TBL1XR1: variants seen among roughly 807,000 people sequenced by gnomAD.
The protein encoded by TBL1XR1 is TBL1X/Y related 1.
A neutral mutation model predicts 66.9 loss-of-function variants in TBL1XR1; 5 were observed. The observed-to-expected ratio is 0.07, with a 90% confidence interval of 0.04 to 0.16. The LOEUF is 0.16. Ranked by LOEUF, TBL1XR1 falls within the 10% of genes least tolerant of loss-of-function variation. The pLI is 1.00. For synonymous variants in TBL1XR1, 210 were observed against 206.0 expected (o/e 1.02, Z -0.17); for missense variants, 238 against 623.2 (o/e 0.38, Z 6.58).
At chr3:177,083,899 C>A (rs547882497) in intron 2 of TBL1XR1, among the ~76,000 whole-genome samples, 2 of 151,686 alleles carry the variant, frequency 1.3e-5, no homozygotes, top group Admixed American at 6.6e-5. Context: ...ATCAGCCTGG[C>A]CAACATGATG....
intron 1 of TBL1XR1, among the ~76,000 whole-genome samples, chr3:177,155,695 C>A (rs1480404554): frequency 6.6e-6 from 1 of 152,120 alleles, no homozygotes; most frequent in Non-Finnish European, 1.5e-5. Context: ...TGAACTTCAA[C>A]TTTTACCTCA....
At chr3:177,181,247 C>T (rs758366825) in intron 1 of TBL1XR1, among the ~76,000 whole-genome samples, 6 of 151,782 alleles carry the variant, frequency 4.0e-5, no homozygotes, top group Admixed American at 1.3e-4. Context: ...TGGGAGGCCA[C>T]GGTGGGTGGA....
At chr3:177,064,577 C>T (rs961272227) in intron 3 of TBL1XR1, among the ~76,000 whole-genome samples, 2 of 152,158 alleles carry the variant, frequency 1.3e-5, no homozygotes, top group African/African-American at 4.8e-5. Context: ...GGACCAACAA[C>T]ATTTAATTGA....
chr3:177,098,551 AG>A lies in TBL1XR1; in HGVS notation c.-121-11del. 1 of 985,612 alleles carries A rather than the reference AG, an allele frequency of 1.0e-6. No individual in the cohort carries two copies. 61.1% of individuals were successfully genotyped at this position (985,612 alleles called of 1,614,324 possible). Reference sequence around the variant, plus strand: ...GTTGCTGTTGTTGATGCTGAGGAAAAGGAAAGTAAAGTATTCAATGTGCCCT... The same window carrying A: ...GTTGCTGTTGTTGATGCTGAGGAAAAGAAAGTAAAGTATTCAATGTGCCCT... On this transcript the variant is annotated splice_polypyrimidine_tract_variant and intron_variant, in intron 1 of 15. Coordinates refer to ENST00000457928, the MANE Select transcript of TBL1XR1 (RefSeq NM_024665.7).
At chr3:177,181,065 G>C (rs572337093) in intron 1 of TBL1XR1, among the ~76,000 whole-genome samples, 1 of 152,198 alleles carries the variant, frequency 6.6e-6, no homozygotes. Context: ...ATTTTCATCA[G>C]TGAGCTAGAA....
intron 1 of TBL1XR1, among the ~76,000 whole-genome samples, chr3:177,179,506 T>C (rs902108807): frequency 6.6e-6 from 1 of 152,226 alleles, no homozygotes; most frequent in Non-Finnish European, 1.5e-5. Flanking sequence ...AGATAAGTCA[T>C]GGCATTTTGC....
intron 1 of TBL1XR1, among the ~76,000 whole-genome samples, chr3:177,183,299 A>T (rs987328206): frequency 6.6e-6 from 1 of 152,218 alleles, no homozygotes; most frequent in Non-Finnish European, 1.5e-5. Context: ...TTAAATGAAG[A>T]GTACAGAAAA....
rs777789869 is a variant in TBL1XR1, at chr3:177,038,325, G to A, written c.1035C>T (p.Phe345=). 1 of 1,596,526 alleles carries A rather than the reference G, an allele frequency of 6.3e-7. No individual in the cohort carries two copies. The highest frequency in any genetic ancestry group is 8.5e-7 in the Non-Finnish European group (1 of 1,170,380). ...AAAGGTTTCTTACCGTATGTCCTTGGAATGTTTTAATAGGTCTGTCTTGTC... is the reference window on the plus strand; with the variant it reads ...AAAGGTTTCTTACCGTATGTCCTTGAAATGTTTTAATAGGTCTGTCTTGTC... ...KLGQDRPIKT[F]QGHTNEVNAI... The change falls in exon 11 of 16, where the codon TTC becomes TTT. Residue 345 remains phenylalanine, a synonymous_variant. Coordinates refer to ENST00000457928, the MANE Select transcript of TBL1XR1 (RefSeq NM_024665.7).
intron 1 of TBL1XR1, among the ~76,000 whole-genome samples, chr3:177,135,939 C>T (rs534311935): frequency 1.3e-5 from 2 of 151,722 alleles, no homozygotes; most frequent in East Asian, 3.9e-4. Context: ...TTTATTCCTT[C>T]CCAATGAGGA....
chr3:177,032,941 C>A, intron 14 of TBL1XR1, 30 bp downstream of exon 14: 2 of 1,495,196 alleles, frequency 1.3e-6, no homozygotes, highest in Non-Finnish European at 9.0e-7. Flanking sequence ...AATTTAAGAG[C>A]ACTTGACCAT....
chr3:177,162,771 A>G (rs1196321925), intron 1 of TBL1XR1, among the ~76,000 whole-genome samples: 1 of 152,254 alleles, frequency 6.6e-6, no homozygotes, highest in Non-Finnish European at 1.5e-5. Context: ...GCCCAAAATA[A>G]AAGTCCGCTA....
At chr3:177,086,920 C>T (rs1368146367) in intron 2 of TBL1XR1, 1 of 150,318 alleles carries the variant, frequency 6.7e-6, no homozygotes, top group African/African-American at 2.5e-5. Context: ...ATAAAAGAAG[C>T]TAGAGAAAAG....
chr3:177,180,372 TC>T (rs72342249), intron 1 of TBL1XR1, among the ~76,000 whole-genome samples: 46,737 of 130,902 alleles, frequency 0.36, 8,733 homozygotes, highest in East Asian at 0.63. Context: ...ATACGTTCAT[TC>T]CCCCCCCCCC....
At chr3:177,144,405 C>T (rs949626065) in intron 1 of TBL1XR1, among the ~76,000 whole-genome samples, 1 of 152,120 alleles carries the variant, frequency 6.6e-6, no homozygotes. Context: ...AGTAATTCTT[C>T]CAAGGCCAAA....
intron 1 of TBL1XR1, among the ~76,000 whole-genome samples, chr3:177,195,830 A>T (rs1472877325): frequency 3.3e-5 from 5 of 152,218 alleles, no homozygotes; most frequent in Non-Finnish European, 7.3e-5. Context: ...GGAAAACAAG[A>T]AAGTGAATAG....
At chr3:177,157,538 G>A (rs762121484) in intron 1 of TBL1XR1, among the ~76,000 whole-genome samples, 1 of 152,164 alleles carries the variant, frequency 6.6e-6, no homozygotes, top group Non-Finnish European at 1.5e-5. Context: ...TGACCTTGCT[G>A]GTTTAAATGA....
At chr3:177,176,352 A>G (rs1318695244) in intron 1 of TBL1XR1, among the ~76,000 whole-genome samples, 1 of 150,710 alleles carries the variant, frequency 6.6e-6, no homozygotes, top group Non-Finnish European at 1.5e-5. Context: ...TTGCGCCACC[A>G]TGCCTGGCTA....
intron 2 of TBL1XR1, among the ~76,000 whole-genome samples, chr3:177,096,152 C>CAGAT (rs1272373023): frequency 6.6e-6 from 1 of 152,126 alleles, no homozygotes; most frequent in Non-Finnish European, 1.5e-5. Flanking sequence ...AGGTTCAACC[C>CAGAT]AGATTATTAT....
chr3:177,162,270 T>G (rs539472437), intron 1 of TBL1XR1, among the ~76,000 whole-genome samples: 3 of 152,160 alleles, frequency 2.0e-5, no homozygotes, highest in Admixed American at 2.0e-4. Context: ...CAATAAATGA[T>G]GAAGCACAGA....
Sources: allele counts gnomAD v4.1 joint callset (sites outside exome capture counted in the v4.1 genomes callset), GRCh38; gene constraint gnomAD v4.1.1; transcripts MANE v1.5; gene names NCBI Gene and HGNC (gene_info 2026-07-23, HGNC 2026-07-21).